The following EML6 variants were observed in gnomAD, a reference collection of about 807,000 sequenced individuals.
EML6 encodes EMAP like 6, also known as echinoderm microtubule-associated protein-like 6.
Under a neutral mutation model 240.1 loss-of-function variants are expected in EML6, and 154 were observed. That is an observed-to-expected ratio of 0.64 (90% CI 0.56 to 0.73). The LOEUF is 0.73. Ranked by LOEUF, EML6 falls within the 30% of genes least tolerant of loss-of-function variation. The probability of loss-of-function intolerance (pLI) is 0.00; values close to 1 mark genes in which losing one functional copy is unlikely to be tolerated. For synonymous variants in EML6, 1,148 were observed against 899.0 expected, an observed-to-expected ratio of 1.28 and a Z score of -4.95; for missense variants, 2,964 against 2,474.6, an observed-to-expected ratio of 1.20 and a Z score of -4.20.
intron 4 of EML6, among the ~76,000 whole-genome samples, chr2:54,820,170 T>C (rs1276375675): frequency 2.6e-5 from 4 of 152,160 alleles, no homozygotes; most frequent in African/African-American, 9.7e-5. Context: ...TCTAAATAAT[T>C]ATGGTAAGTT....
intron 5 of EML6, among the ~76,000 whole-genome samples, chr2:54,823,216 C>A (rs1252913195): frequency 6.6e-6 from 1 of 152,156 alleles, no homozygotes; most frequent in Non-Finnish European, 1.5e-5. Flanking sequence ...AAGATGACAT[C>A]CCAGCTGGCT....
intron 7 of EML6, among the ~76,000 whole-genome samples, chr2:54,833,123 C>G (rs1416067985): frequency 6.6e-6 from 1 of 152,138 alleles, no homozygotes; most frequent in Admixed American, 6.5e-5. Context: ...GGTATGGGTA[C>G]TTTTCTATGT....
chr2:54,804,504 C>A (rs2103991091), intron 2 of EML6, among the ~76,000 whole-genome samples: 1 of 152,346 alleles, frequency 6.6e-6, no homozygotes, highest in African/African-American at 2.4e-5. Flanking sequence ...AGCAATTATA[C>A]TGGTGAGAAC....
chr2:54,727,420 T>A (rs953817461), intron 2 of EML6, among the ~76,000 whole-genome samples: 1 of 152,256 alleles, frequency 6.6e-6, no homozygotes, highest in Non-Finnish European at 1.5e-5. Context: ...ATTATGGAAT[T>A]AAGAGCTATG....
intron 2 of EML6, among the ~76,000 whole-genome samples, chr2:54,746,724 T>A (rs974357509): frequency 6.6e-6 from 1 of 152,240 alleles, no homozygotes; most frequent in Non-Finnish European, 1.5e-5. Context: ...GGTATTTAAT[T>A]CCATACGTGT....
intron 24 of EML6, among the ~76,000 whole-genome samples, chr2:54,909,760 C>T (rs1300379086): frequency 1.3e-5 from 2 of 149,794 alleles, no homozygotes; most frequent in South Asian, 4.2e-4. Flanking sequence ...AAGAGAATCG[C>T]TTGAACTTGA....
At chr2:54,821,786 A>G (rs1372631400) in intron 5 of EML6, among the ~76,000 whole-genome samples, 1 of 152,126 alleles carries the variant, frequency 6.6e-6, no homozygotes, top group Non-Finnish European at 1.5e-5. Flanking sequence ...AGAAAAAGTC[A>G]ATACTTCATA....
intron 9 of EML6, among the ~76,000 whole-genome samples, chr2:54,849,672 T>C (rs1311968647): frequency 6.6e-6 from 1 of 152,216 alleles, no homozygotes; most frequent in African/African-American, 2.4e-5. Context: ...GTATTTTTCA[T>C]AGAGATAGGG....
chr2:54,747,279 G>A (rs1044350895), intron 2 of EML6: 5 of 152,168 alleles, frequency 3.3e-5, no homozygotes, highest in Non-Finnish European at 5.9e-5. Context: ...TGACCTGAGA[G>A]TCCAAGGGCT....
At chr2:54,879,129 T>C (rs2103973537) in intron 16 of EML6, among the ~76,000 whole-genome samples, 1 of 152,314 alleles carries the variant, frequency 6.6e-6, no homozygotes, top group East Asian at 1.9e-4. Flanking sequence ...CAAAGCCAAG[T>C]GGTACCTCAA....
chr2:54,934,613 G>A (rs1434640613), intron 28 of EML6, among the ~76,000 whole-genome samples: 13 of 152,048 alleles, frequency 8.5e-5, no homozygotes, highest in Admixed American at 8.5e-4. Context: ...ATGGTGGCAT[G>A]ATCCTGGCTC....
At chr2:54,792,295 T>G (rs937252577) in intron 2 of EML6, among the ~76,000 whole-genome samples, 4 of 152,244 alleles carry the variant, frequency 2.6e-5, no homozygotes, top group African/African-American at 9.6e-5. Context: ...CCCCCTGGGC[T>G]TCCCCTATAT....
At chr2:54,896,225 G>T (rs1558661537) in intron 21 of EML6, among the ~76,000 whole-genome samples, 4 of 152,152 alleles carry the variant, frequency 2.6e-5, no homozygotes, top group Non-Finnish European at 5.9e-5. Flanking sequence ...TCCAGGTGTG[G>T]AAGAAGTGCC....
intron 29 of EML6, among the ~76,000 whole-genome samples, chr2:54,949,248 G>T (rs1194368134): frequency 1.3e-5 from 2 of 152,082 alleles, no homozygotes; most frequent in African/African-American, 4.8e-5. Context: ...CCCTCCACTT[G>T]GTCCCACTCA....
intron 21 of EML6, 70 bp from the exon 22 acceptor site, chr2:54,899,571 C>A: frequency 6.9e-7 from 1 of 1,456,866 alleles, no homozygotes; most frequent in Non-Finnish European, 9.3e-7. Flanking sequence ...GAATATGTAG[C>A]ACCAGGCTAA....
rs149792762 is a variant in EML6 at position 54,740,764 on chromosome 2, T to C, written c.197+15506T>C. Among the ~76,000 whole-genome samples the C allele has an allele frequency of 2.7e-3, 408 of 152,076 alleles. 1 individual carries two copies. The highest frequency in any genetic ancestry group is 9.2e-3 in the African/African-American group (382 of 41,494). On this transcript the variant is annotated intron_variant, in intron 2 of 41. Coordinates refer to ENST00000356458, the MANE Select transcript of EML6 (RefSeq NM_001039753.4). ...TATTGTTACAGATGTTGCTTCTTGG[T>C]AAAAAGACTTGCAGGCCTATTTTTC...
At chr2:54,918,395 C>CTGGA (rs1387420589) in intron 26 of EML6, among the ~76,000 whole-genome samples, 1 of 152,206 alleles carries the variant, frequency 6.6e-6, no homozygotes, top group Non-Finnish European at 1.5e-5. Flanking sequence ...GTTTCCCAGG[C>CTGGA]TGGAATACAG....
chr2:54,901,523 T>C (rs1673054980), intron 22 of EML6, among the ~76,000 whole-genome samples: 1 of 152,192 alleles, frequency 6.6e-6, no homozygotes, highest in South Asian at 2.1e-4. Flanking sequence ...TATTGACCCA[T>C]CTTAGATAGG....
At chr2:54,850,289 A>T in intron 10 of EML6, 71 bp downstream of exon 10, 1 of 1,355,270 alleles carries the variant, frequency 7.4e-7, no homozygotes, top group South Asian at 1.4e-5. Context: ...AATACAGGAC[A>T]AGTGTCATGG....
Sources: gnomAD v4.1 joint callset for allele counts (sites outside exome capture counted in the v4.1 genomes callset) on GRCh38, gnomAD v4.1.1 for gene constraint, MANE v1.5 for transcripts, NCBI Gene and HGNC (gene_info 2026-07-23, HGNC 2026-07-21) for gene names.